The following CNTNAP2 variants were observed in gnomAD, a reference collection of about 807,000 sequenced individuals.
The protein encoded by CNTNAP2 is contactin-associated protein-like 2.
Under a neutral mutation model 155.2 loss-of-function variants are expected in CNTNAP2, and 98 were observed. That is an observed-to-expected ratio of 0.63 (90% confidence interval 0.54 to 0.75). The LOEUF is 0.75. Ranked by LOEUF, CNTNAP2 falls within the 30% of genes least tolerant of loss-of-function variation. The pLI, the probability that CNTNAP2 is intolerant of heterozygous loss-of-function variation, is 0.00. For missense variants in CNTNAP2, 1,727 were observed against 1,688.1 expected (o/e 1.02, Z -0.40); for synonymous variants, 651 against 631.2 (o/e 1.03, Z -0.47).
chr7:146,166,530 T>C (rs987641688), intron 1 of CNTNAP2, among the ~76,000 whole-genome samples: 1 of 152,162 alleles, frequency 6.6e-6, no homozygotes. Context: ...CATACTAACT[T>C]CATGAACTTA....
At chr7:147,494,593 T>C (rs1270672525) in intron 11 of CNTNAP2, among the ~76,000 whole-genome samples, 1 of 152,064 alleles carries the variant, frequency 6.6e-6, no homozygotes, top group Admixed American at 6.6e-5. Flanking sequence ...TTGAGGGAAC[T>C]GGCATTATTC....
chr7:147,692,569 T>G (rs886898211), intron 13 of CNTNAP2, among the ~76,000 whole-genome samples: 1 of 152,148 alleles, frequency 6.6e-6, no homozygotes, highest in Non-Finnish European at 1.5e-5. Context: ...TGCAGTAGTA[T>G]CTAATTGTCA....
chr7:147,035,739 G>A (rs1355284454), intron 3 of CNTNAP2, among the ~76,000 whole-genome samples: 2 of 151,936 alleles, frequency 1.3e-5, no homozygotes, highest in Non-Finnish European at 2.9e-5. Context: ...TCATTCATTC[G>A]CTATAGGAGC....
intron 13 of CNTNAP2, among the ~76,000 whole-genome samples, chr7:147,650,042 A>C (rs1236817383): frequency 6.6e-6 from 1 of 152,274 alleles, no homozygotes; most frequent in East Asian, 1.9e-4. Context: ...AATGAAGTTA[A>C]TCTGATAGTC....
At chr7:146,930,404 C>A (rs1207305805) in intron 3 of CNTNAP2, among the ~76,000 whole-genome samples, 9 of 151,988 alleles carry the variant, frequency 5.9e-5, no homozygotes, top group Non-Finnish European at 1.2e-4. Context: ...ATTTTGTCAC[C>A]ACCAGGCCTG....
At chr7:146,163,585 C>CTATCTATATA (rs1354076042) in intron 1 of CNTNAP2, among the ~76,000 whole-genome samples, 3 of 91,224 alleles carry the variant, frequency 3.3e-5, no homozygotes, top group African/African-American at 1.2e-4. Flanking sequence ...ATCTATCTAT[C>CTATCTATATA]TATATATATA....
intron 1 of CNTNAP2, among the ~76,000 whole-genome samples, chr7:146,443,878 A>G (rs917996712): frequency 6.6e-6 from 1 of 152,196 alleles, no homozygotes; most frequent in Non-Finnish European, 1.5e-5. Context: ...TTGAGCATTA[A>G]GCAGAATTAC....
chr7:147,270,928 T>G (rs1804733316), intron 8 of CNTNAP2, among the ~76,000 whole-genome samples: 1 of 152,184 alleles, frequency 6.6e-6, no homozygotes, highest in Admixed American at 6.5e-5. Context: ...TAAGTCATTT[T>G]TAGTCCATGA....
intron 10 of CNTNAP2, among the ~76,000 whole-genome samples, chr7:147,448,822 G>C (rs947384995): frequency 6.6e-6 from 1 of 152,038 alleles, no homozygotes; most frequent in African/African-American, 2.4e-5. Flanking sequence ...TTAGCTCTCT[G>C]TCTACATAGT....
At chr7:146,330,127 A>G (rs562766055) in intron 1 of CNTNAP2, among the ~76,000 whole-genome samples, 2 of 149,320 alleles carry the variant, frequency 1.3e-5, no homozygotes, top group South Asian at 4.2e-4. Flanking sequence ...GGTTCAAGCA[A>G]TTCTCCTGCC....
At chr7:147,439,121 C>T (rs1412262076) in intron 10 of CNTNAP2, among the ~76,000 whole-genome samples, 2 of 151,872 alleles carry the variant, frequency 1.3e-5, no homozygotes, top group African/African-American at 4.8e-5. Flanking sequence ...TGATTTTCTA[C>T]TACTAATCTT....
intron 9 of CNTNAP2, among the ~76,000 whole-genome samples, chr7:147,313,634 G>A (rs1294335271): frequency 6.6e-6 from 1 of 151,526 alleles, no homozygotes; most frequent in Non-Finnish European, 1.5e-5. Flanking sequence ...CTCTGTTTTG[G>A]TACCATTACC....
At chr7:147,506,491 G>C (rs1463957553) in intron 11 of CNTNAP2, among the ~76,000 whole-genome samples, 1 of 152,126 alleles carries the variant, frequency 6.6e-6, no homozygotes, top group Non-Finnish European at 1.5e-5. Flanking sequence ...CCGACCTCAG[G>C]CAATCCACCT....
intron 1 of CNTNAP2, among the ~76,000 whole-genome samples, chr7:146,135,362 A>G (rs555176546): frequency 6.6e-6 from 1 of 152,110 alleles, no homozygotes; most frequent in Non-Finnish European, 1.5e-5. Flanking sequence ...AGCCTTAGAC[A>G]ATTTATATAA....
chr7:148,086,834 C>T (rs1207999102), intron 15 of CNTNAP2, among the ~76,000 whole-genome samples: 1 of 152,184 alleles, frequency 6.6e-6, no homozygotes, highest in Non-Finnish European at 1.5e-5. Flanking sequence ...CAGTCATCAT[C>T]AGATTAAGCT....
intron 8 of CNTNAP2, among the ~76,000 whole-genome samples, chr7:147,285,260 A>T (rs1525214): frequency 0.18 from 27,817 of 151,286 alleles, 2,893 homozygotes; most frequent in Non-Finnish European, 0.23. Context: ...GGAATTTCTG[A>T]GCCCCTGAGT....
At chr7:146,155,767 T>C (rs1798116216) in intron 1 of CNTNAP2, among the ~76,000 whole-genome samples, 1 of 151,750 alleles carries the variant, frequency 6.6e-6, no homozygotes, top group Admixed American at 6.6e-5. Flanking sequence ...TGGCGGGATC[T>C]TGGCTCACTA....
chr7:146,487,237 T>C (rs976491115), intron 1 of CNTNAP2, among the ~76,000 whole-genome samples: 4 of 152,206 alleles, frequency 2.6e-5, no homozygotes, highest in Admixed American at 1.3e-4. Flanking sequence ...CAAACAATGA[T>C]TGGTACTTAA....
chr7:147,895,585 A>G (rs1339927264), intron 13 of CNTNAP2, among the ~76,000 whole-genome samples: 1 of 152,210 alleles, frequency 6.6e-6, no homozygotes, highest in Non-Finnish European at 1.5e-5. Flanking sequence ...GAGGTTAGAG[A>G]AGTTCTTGAA....
Sources: allele counts gnomAD v4.1 joint callset (sites outside exome capture counted in the v4.1 genomes callset), GRCh38; gene constraint gnomAD v4.1.1; transcripts MANE v1.5; gene names NCBI Gene and HGNC (gene_info 2026-07-23, HGNC 2026-07-21).